NLRC3: variants seen among roughly 807,000 people sequenced by gnomAD.
NLRC3 encodes NLR family CARD domain containing 3, also known as NLR family CARD domain-containing protein 3.
A neutral mutation model predicts 91.6 loss-of-function variants in NLRC3; 87 were observed. The observed-to-expected ratio is 0.95, with a 90% CI of 0.80 to 1.14. NLRC3 has a LOEUF of 1.14. Ranked by LOEUF, NLRC3 falls within the 50% of genes most tolerant of loss-of-function variation. NLRC3 has a pLI of 0.00. For synonymous variants in NLRC3, 694 were observed against 625.3 expected, an observed-to-expected ratio of 1.11 and a Z score of -1.64; for missense variants, 1,577 against 1,418.6, an observed-to-expected ratio of 1.11 and a Z score of -1.79.
At chr16:3,556,067 A>G (rs140843472) in intron 8 of NLRC3, among the ~76,000 whole-genome samples, 4,835 of 150,692 alleles carry the variant, frequency 0.032, 247 homozygotes, top group African/African-American at 0.11. Flanking sequence ...GGTGACTCAC[A>G]CTTGTAATCC....
chr16:3,565,415 T>C (rs1425125115), intron 2 of NLRC3, 35 bp from the exon 3 acceptor site: 7 of 413,518 alleles, frequency 1.7e-5, no homozygotes, highest in Admixed American at 6.1e-5. Flanking sequence ...GTAAGTTTGC[T>C]CAAAAGGAGG....
Position 3,546,834 on chromosome 16 carries a change from C to G in NLRC3, c.2771+1301G>C, listed in dbSNP as rs548606398. Among the ~76,000 whole-genome samples, 5 of 152,064 alleles carry G rather than the reference C, an allele frequency of 3.3e-5. No homozygotes were observed. The East Asian group carries it at 9.7e-4, about 29-fold the overall frequency. ...GGAGCCCAGGGAAAGGAAAAGAGCT[C>G]CAGGAAAAGAGACGCCAGGCAAGCG... On this transcript the variant is annotated intron_variant, in intron 15 of 19. Coordinates refer to ENST00000359128, the MANE Select transcript of NLRC3 (RefSeq NM_178844.4).
rs775452625 is a variant in NLRC3 at position 3,542,691 on chromosome 16, C to T, written c.3023+1G>A. On this transcript the variant is annotated splice_donor_variant, in intron 18 of 19. Transcript: ENST00000359128. LOFTEE classifies it high-confidence loss of function. ...GCAGGTAGGTCCCTCCAGCCACTTA[C>T]TTGAGTCTCCGGAGACTTGAGTTTA... 6.2e-7 allele frequency: 1 copy of T among 1,603,392 alleles called. No homozygotes were observed. The highest frequency in any genetic ancestry group is 1.1e-5 in the South Asian group (1 of 89,768).
At chr16:3,544,946 G>A (rs2151081456) in intron 15 of NLRC3, 1 of 152,464 alleles carries the variant, frequency 6.6e-6, no homozygotes, top group East Asian at 1.9e-4. Flanking sequence ...CTCCCACCTT[G>A]GCATCCCAAA....
chr16:3,546,710 C>T (rs1015805210), intron 15 of NLRC3, among the ~76,000 whole-genome samples: 3 of 152,074 alleles, frequency 2.0e-5, no homozygotes, highest in African/African-American at 4.8e-5. Context: ...AGCAAGATCC[C>T]GAAGGGAGGT....
chr16:3,557,012 G>C lies in NLRC3; in HGVS notation c.2100-18C>G. 1 of 1,559,850 alleles carries C rather than the reference G, an allele frequency of 6.4e-7. No homozygotes were observed. Among genetic ancestry groups the C allele is most frequent in the Non-Finnish European group, 8.8e-7 (1 of 1,130,670 alleles). On this transcript the variant is annotated intron_variant, in intron 7 of 19. Transcript: ENST00000359128. Reference sequence around the variant, plus strand: ...CGCGGAGGCTGAAGGAAGAGAGAAAGAGACACCTCCTTCATCTGTCTCCCA... The same window carrying C: ...CGCGGAGGCTGAAGGAAGAGAGAAACAGACACCTCCTTCATCTGTCTCCCA...
In NLRC3 at chr16:3,567,327, A is replaced by G. The variant is rs887398671; in HGVS notation, c.-168-3T>C. 6.6e-6 allele frequency: 1 copy of G among 152,206 alleles called. No homozygotes were observed. Among genetic ancestry groups the G allele is most frequent in the Non-Finnish European group, 1.5e-5 (1 of 68,076 alleles). The allele number at this position is 152,206 out of a possible 1,614,324, so 9.4% of individuals were successfully genotyped here. ...TCAGCCTTCCGTTGTCCACAGTTCT[A>G]GGAGAAAAAACACAATGTGGCCAGC... On this transcript the variant is annotated splice_polypyrimidine_tract_variant and splice_region_variant and intron_variant, in intron 1 of 19. Transcript: ENST00000359128.
chr16:3,565,939 C>T (rs1279019625), intron 2 of NLRC3, among the ~76,000 whole-genome samples: 1 of 151,230 alleles, frequency 6.6e-6, no homozygotes, highest in Non-Finnish European at 1.5e-5. Flanking sequence ...ACTTGGGAGG[C>T]CAAGGCAGCA....
At chr16:3,554,415 G>C (rs2039187494) in intron 8 of NLRC3, 90 bp from the exon 9 acceptor site, 2 of 932,022 alleles carry the variant, frequency 2.1e-6, no homozygotes, top group African/African-American at 1.6e-5. Flanking sequence ...CACCTCTGTG[G>C]AGCAAGGGGT....
chr16:3,572,727 T>C (rs1354844556), intron 1 of NLRC3, among the ~76,000 whole-genome samples: 1 of 152,158 alleles, frequency 6.6e-6, no homozygotes, highest in African/African-American at 2.4e-5. Context: ...TAAAGAAATA[T>C]GTGGGCCAGG....
intron 1 of NLRC3, among the ~76,000 whole-genome samples, chr16:3,570,872 T>C (rs2040075378): frequency 6.6e-6 from 1 of 152,178 alleles, no homozygotes; most frequent in Non-Finnish European, 1.5e-5. Flanking sequence ...ACATGAGCAA[T>C]GGATATCAGA....
chr16:3,564,494 C>A lies in NLRC3; in HGVS notation c.443G>T (p.Gly148Val). The A allele has an allele frequency of 6.2e-7, 1 of 1,612,460 alleles. No homozygotes were observed. Among genetic ancestry groups the A allele is most frequent in the Non-Finnish European group, 8.5e-7 (1 of 1,179,832 alleles). ...PRVSITIGVA[G>V]MGKTTLVRHF... ...CCTCACCAGGGTGGTCTTGCCCATGCCGGCCACCCCGATAGTGATGGAGAC... is the reference window on the plus strand; with the variant it reads ...CCTCACCAGGGTGGTCTTGCCCATGACGGCCACCCCGATAGTGATGGAGAC... The change falls in exon 5 of 20, where the codon GGC becomes GTC. Residue 148 changes from glycine (G) to valine (V), a missense_variant. Coordinates refer to ENST00000359128, the MANE Select transcript of NLRC3 (RefSeq NM_178844.4). The surrounding 1 kb of genome is among the most constrained non-coding windows in gnomAD (Gnocchi z 5.9).
At chr16:3,543,350 G>A in intron 17 of NLRC3, 75 bp downstream of exon 17, 1 of 1,014,926 alleles carries the variant, frequency 9.9e-7, no homozygotes, top group Non-Finnish European at 1.5e-6. Flanking sequence ...TGTAAACTTT[G>A]TCCCCATATC....
chr16:3,551,981 T>TCATCCATCCATC (rs56287077), intron 10 of NLRC3, among the ~76,000 whole-genome samples: 2 of 147,354 alleles, frequency 1.4e-5, no homozygotes, highest in Non-Finnish European at 3.0e-5. Context: ...ATCCCTTCAT[T>TCATCCATCCATC]CATCCATCCA....
At position 3,561,733 on chromosome 16, in the gene NLRC3, TCAG is replaced by T; in HGVS notation, c.1981_1983del (p.Leu661del). 1 of 1,613,528 alleles carries T rather than the reference TCAG, an allele frequency of 6.2e-7. No individual in the cohort carries two copies. Among genetic ancestry groups the T allele is most frequent in the Non-Finnish European group, 8.5e-7 (1 of 1,179,654 alleles). ...TTCTGAATGCGACAGTCCTTCCCAC[TCAG>T]CACGCTGCCCAGCAGCTCCATCACG... On this transcript the variant is annotated inframe_deletion, in exon 6 of 20. Transcript: ENST00000359128.
chr16:3,554,799 G>C (rs2151091504), intron 8 of NLRC3, among the ~76,000 whole-genome samples: 1 of 152,302 alleles, frequency 6.6e-6, no homozygotes, highest in East Asian at 1.9e-4. Context: ...ACAGGCACTG[G>C]AAGTCGTATT....
chr16:3,561,575 A>G (rs955324438), intron 6 of NLRC3, 127 bp downstream of exon 6: 9 of 636,448 alleles, frequency 1.4e-5, no homozygotes, highest in Admixed American at 1.1e-4. Context: ...CTGCATCTGG[A>G]GCCACATGCT....
intron 6 of NLRC3, among the ~76,000 whole-genome samples, chr16:3,558,916 T>G (rs1456919098): frequency 6.6e-6 from 1 of 151,980 alleles, no homozygotes; most frequent in Non-Finnish European, 1.5e-5. Context: ...GGACCAGAGG[T>G]GCACGCCACC....
Position 3,563,937 on chromosome 16 carries a change from G to C in NLRC3, c.1000C>G (p.Leu334Val), listed in dbSNP as rs746003258. The C allele has an allele frequency of 7.5e-5, 119 of 1,593,546 alleles. No individual in the cohort carries two copies. The highest frequency in any genetic ancestry group is 1.0e-4 in the Non-Finnish European group (117 of 1,172,088). ...LMCTVPAFCR[L>V]TGMALGHLWR... ...AGGTGGCCTAGCGCCATCCCCGTGA[G>C]CCTGCAGAAGGCTGGGACGGTGCAC... The change falls in exon 5 of 20, where the codon CTC (leucine) becomes GTC (valine). Residue 334 changes from leucine (L) to valine (V), a missense_variant. Leu to Val is a conservative substitution (Grantham distance 32). Coordinates refer to ENST00000359128, the MANE Select transcript of NLRC3 (RefSeq NM_178844.4).
Sources: allele counts gnomAD v4.1 joint callset (sites outside exome capture counted in the v4.1 genomes callset), GRCh38; gene constraint gnomAD v4.1.1; non-coding constraint Gnocchi (gnomAD v3.1); transcripts MANE v1.5; gene names NCBI Gene and HGNC (gene_info 2026-07-23, HGNC 2026-07-21).